Variants in NTRK2 observed in about 807,000 individuals in gnomAD.
NTRK2 encodes neurotrophic receptor tyrosine kinase 2, also known as BDNF/NT-3 growth factors receptor.
NTRK2 carries 13 observed loss-of-function variants against 94.5 expected under a neutral mutation model. The ratio of observed to expected loss-of-function variants is 0.14; its 90% confidence interval spans 0.09 to 0.22. The LOEUF is 0.22. Among genes scored for constraint, NTRK2 ranks in the 10% least tolerant of loss-of-function variants. The pLI, the probability that NTRK2 is intolerant of heterozygous loss-of-function variation, is 1.00. For synonymous variants in NTRK2, 372 were observed against 407.4 expected (o/e 0.91, Z 1.05); for missense variants, 639 against 1,071.2 (o/e 0.60, Z 5.63).
At chr9:84,979,261 C>T (rs1037750735) in intron 17 of NTRK2, among the ~76,000 whole-genome samples, 1 of 152,194 alleles carries the variant, frequency 6.6e-6, no homozygotes, top group African/African-American at 2.4e-5. Context: ...CCATTAAGAA[C>T]ATTCATGATT....
At chr9:84,762,477 T>G (rs1394563506) in intron 12 of NTRK2, among the ~76,000 whole-genome samples, 2 of 152,234 alleles carry the variant, frequency 1.3e-5, no homozygotes, top group Non-Finnish European at 2.9e-5. Flanking sequence ...GTTATTTACT[T>G]GTAGCCTTTC....
At chr9:85,016,358 C>T (rs536035285) in intron 17 of NTRK2, among the ~76,000 whole-genome samples, 1 of 152,296 alleles carries the variant, frequency 6.6e-6, no homozygotes, top group East Asian at 1.9e-4. Flanking sequence ...TCATCTTGCA[C>T]CAGGTCAACC....
chr9:84,903,155 G>A (rs190843161), intron 14 of NTRK2, among the ~76,000 whole-genome samples: 10 of 152,262 alleles, frequency 6.6e-5, no homozygotes, highest in South Asian at 2.1e-4. Flanking sequence ...TGTTTAAAGT[G>A]GCTATGAAAT....
chr9:84,880,834 A>C (rs2076233245), intron 14 of NTRK2, among the ~76,000 whole-genome samples: 1 of 152,216 alleles, frequency 6.6e-6, no homozygotes, highest in Non-Finnish European at 1.5e-5. Context: ...TTATTTTCTG[A>C]CTCAATGTTT....
At chr9:84,848,215 C>T (rs1330504547) in intron 12 of NTRK2, among the ~76,000 whole-genome samples, 1 of 152,058 alleles carries the variant, frequency 6.6e-6, no homozygotes, top group Non-Finnish European at 1.5e-5. Context: ...CCTTAAAGGC[C>T]CTATCTCCAA....
At chr9:85,009,345 T>C (rs1831313593) in intron 17 of NTRK2, among the ~76,000 whole-genome samples, 1 of 152,236 alleles carries the variant, frequency 6.6e-6, no homozygotes, top group Non-Finnish European at 1.5e-5. Flanking sequence ...GTCCCTCAAC[T>C]GTTTACTTCT....
At position 85,022,274 on chromosome 9, in the gene NTRK2, T is replaced by A; in HGVS notation, c.*837T>A. On this transcript the variant is annotated 3_prime_UTR_variant, in exon 19 of 19. Coordinates refer to ENST00000277120, the MANE Select transcript of NTRK2 (RefSeq NM_006180.6). ...CTGGCCTCTGTGCCATGGATGATTCTTTTCCCATCACCAGAAATGATAGCG... is the reference window on the plus strand; with the variant it reads ...CTGGCCTCTGTGCCATGGATGATTCATTTCCCATCACCAGAAATGATAGCG... The A allele has an allele frequency of 4.3e-6, 1 of 233,108 alleles. No homozygotes were observed. The highest frequency in any genetic ancestry group is 8.5e-6 in the Non-Finnish European group (1 of 117,946). 14.4% of individuals were successfully genotyped at this position (233,108 alleles called of 1,614,324 possible). A position where few individuals can be genotyped will look rare whatever the true frequency, so the allele number is the denominator to read the frequency against.
intron 17 of NTRK2, among the ~76,000 whole-genome samples, chr9:84,958,743 G>A (rs1824500406): frequency 1.3e-5 from 2 of 152,254 alleles, no homozygotes; most frequent in South Asian, 2.1e-4. Flanking sequence ...AGGGAAACAA[G>A]GAAATGACAC....
intron 17 of NTRK2, among the ~76,000 whole-genome samples, chr9:84,984,636 GA>G (rs1828072514): frequency 6.6e-6 from 1 of 152,206 alleles, no homozygotes; most frequent in African/African-American, 2.4e-5. Flanking sequence ...CACAGGCTAA[GA>G]AGCTGAGAAC....
chr9:84,739,256 G>C (rs1277735476), intron 9 of NTRK2, among the ~76,000 whole-genome samples: 1 of 152,110 alleles, frequency 6.6e-6, no homozygotes, highest in African/African-American at 2.4e-5. Flanking sequence ...TCCCCATGTT[G>C]CCCAGGCTGG....
chr9:84,902,027 C>T (rs1420166674), intron 14 of NTRK2, among the ~76,000 whole-genome samples: 1 of 151,900 alleles, frequency 6.6e-6, no homozygotes, highest in Admixed American at 6.6e-5. Flanking sequence ...AACCCTGTCT[C>T]TACTAAAAAT....
At chr9:84,865,115 A>G (rs2075530064) in intron 13 of NTRK2, among the ~76,000 whole-genome samples, 1 of 152,164 alleles carries the variant, frequency 6.6e-6, no homozygotes, top group Non-Finnish European at 1.5e-5. Flanking sequence ...CAGAACAGGG[A>G]TGATTAGGAG....
rs201668876 is a variant in NTRK2, at chr9:84,931,268, G to A, written c.1634-2894G>A. Among the ~76,000 whole-genome samples, 9 of 152,164 alleles carry A rather than the reference G, an allele frequency of 5.9e-5. No homozygotes were observed. In the East Asian group the frequency reaches 1.2e-3, roughly 20 times the overall value. On this transcript the variant is annotated intron_variant, in intron 14 of 18. Transcript: ENST00000277120. ...AAAAATACAAAAACATTAGCCAGGT[G>A]TGGTGGCACACACCTGTAGTCTCAG...
intron 17 of NTRK2, among the ~76,000 whole-genome samples, chr9:84,983,163 C>T (rs141624989): frequency 2.6e-5 from 4 of 152,298 alleles, no homozygotes; most frequent in African/African-American, 7.2e-5. Flanking sequence ...TCTTTAACAG[C>T]GTCTGATACC....
chr9:84,990,811 G>A (rs1162141984), intron 17 of NTRK2, among the ~76,000 whole-genome samples: 1 of 152,212 alleles, frequency 6.6e-6, no homozygotes, highest in Non-Finnish European at 1.5e-5. Context: ...GAGACCTGAA[G>A]GAGAGGCTTA....
At chr9:84,814,903 C>T in intron 12 of NTRK2, 2 of 1,061,218 alleles carry the variant, frequency 1.9e-6, no homozygotes, top group Non-Finnish European at 2.3e-6. Context: ...AGTAACCACT[C>T]TATTAAGTGT....
chr9:84,762,078 A>G (rs2065627432), intron 12 of NTRK2, among the ~76,000 whole-genome samples: 2 of 152,134 alleles, frequency 1.3e-5, no homozygotes, highest in South Asian at 2.1e-4. Context: ...GCACACTGTC[A>G]TGTAAGAAGT....
chr9:84,739,030 TAATTA>T (rs747321359), intron 9 of NTRK2, among the ~76,000 whole-genome samples: 138 of 151,780 alleles, frequency 9.1e-4, no homozygotes, highest in Middle Eastern at 3.4e-3. Flanking sequence ...GACCTATTTT[TAATTA>T]AATTAAATTA....
intron 14 of NTRK2, among the ~76,000 whole-genome samples, chr9:84,926,825 A>G (rs2077838453): frequency 6.6e-6 from 1 of 152,218 alleles, no homozygotes; most frequent in Non-Finnish European, 1.5e-5. Flanking sequence ...TCCATGCCCA[A>G]AGCATTCTTG....
Sources: allele counts gnomAD v4.1 joint callset (sites outside exome capture counted in the v4.1 genomes callset), GRCh38; gene constraint gnomAD v4.1.1; transcripts MANE v1.5; gene names NCBI Gene and HGNC (gene_info 2026-07-23, HGNC 2026-07-21).